KIAA1549L: variants seen among roughly 807,000 people sequenced by gnomAD.
KIAA1549L encodes the protein KIAA1549 like.
Under a neutral mutation model 160.7 loss-of-function variants are expected in KIAA1549L, and 88 were observed. The observed-to-expected ratio is 0.55, with a 90% CI of 0.46 to 0.65. The LOEUF is 0.65. KIAA1549L is among the 30% of genes least tolerant of loss of function. The probability of loss-of-function intolerance (pLI) is 0.00; values close to 1 mark genes in which losing one functional copy is unlikely to be tolerated. For synonymous variants in KIAA1549L, 950 were observed against 976.7 expected (o/e 0.97, Z 0.51); for missense variants, 2,258 against 2,437.5 (o/e 0.93, Z 1.55).
rs562574090 is a variant in KIAA1549L at position 33,543,187 on chromosome 11, C to G, written c.1624C>G (p.Leu542Val). 1.2e-6 allele frequency: 2 copies of G among 1,613,946 alleles called. No homozygotes were observed. Among genetic ancestry groups the G allele is most frequent in the Admixed American group, 3.3e-5 (2 of 60,030 alleles). Residue 542 changes from leucine to valine, a missense_variant, in exon 2 of 21, where the codon CTC (leucine) becomes GTC (valine). By Grantham distance (32) the Leu-to-Val change is conservative. This residue lies in a region of KIAA1549L where 540 missense variants were observed against 465.7 expected (regional missense o/e 1.16). Transcript: ENST00000658780. ...DGSPPATRDL[L>V]LSSKVPNLLS... Reference sequence around the variant, plus strand: ...GTCCCCTCCTGCAACTAGAGACTTGCTCCTCTCAAGCAAAGTTCCTAATCT... The same window carrying G: ...GTCCCCTCCTGCAACTAGAGACTTGGTCCTCTCAAGCAAAGTTCCTAATCT...
At chr11:33,598,208 G>GTA (rs1850257328) in intron 12 of KIAA1549L, among the ~76,000 whole-genome samples, 3 of 143,868 alleles carry the variant, frequency 2.1e-5, no homozygotes, top group African/African-American at 7.4e-5. Flanking sequence ...GTGTGTGTGT[G>GTA]TGTGTGTGTG....
At chr11:33,562,747 C>T (rs1177482584) in intron 8 of KIAA1549L, among the ~76,000 whole-genome samples, 1 of 148,698 alleles carries the variant, frequency 6.7e-6, no homozygotes, top group Non-Finnish European at 1.5e-5. Flanking sequence ...GACGCGGTCT[C>T]GGCTCACTGC....
chr11:33,428,238 C>T (rs1387785327), intron 1 of KIAA1549L, among the ~76,000 whole-genome samples: 2 of 152,290 alleles, frequency 1.3e-5, no homozygotes, highest in African/African-American at 2.4e-5. Context: ...ACATTACCAC[C>T]GGTAATGTAC....
chr11:33,618,527 C>T lies in KIAA1549L; in HGVS notation c.5280-6C>T. ...TGCATCATAACAGTTGTTGAATTTT[C>T]TTCAGGCAACAGATGAAGAACTCTG... On this transcript the variant is annotated splice_region_variant and splice_polypyrimidine_tract_variant and intron_variant, in intron 15 of 20. Coordinates refer to ENST00000658780, the MANE Select transcript of KIAA1549L (RefSeq NM_012194.3). 1.3e-6 allele frequency: 2 copies of T among 1,599,152 alleles called. No homozygotes were observed. The highest frequency in any genetic ancestry group is 2.2e-5 in the South Asian group (2 of 89,806).
At chr11:33,551,307 G>C in intron 5 of KIAA1549L, 48 bp downstream of exon 5, 1 of 1,520,762 alleles carries the variant, frequency 6.6e-7, no homozygotes, top group African/African-American at 1.4e-5. Flanking sequence ...TGGGTTCAGG[G>C]CCAGTACCAA....
chr11:33,523,808 C>A (rs955199470), intron 1 of KIAA1549L, among the ~76,000 whole-genome samples: 1 of 152,254 alleles, frequency 6.6e-6, no homozygotes, highest in South Asian at 2.1e-4. Context: ...ATTAAATGTA[C>A]ACACATAATT....
intron 1 of KIAA1549L, among the ~76,000 whole-genome samples, chr11:33,445,486 G>T: frequency 6.6e-6 from 1 of 152,260 alleles, no homozygotes; most frequent in East Asian, 1.9e-4. Flanking sequence ...GTGTGAAAGG[G>T]ATGTCTGGTC....
intron 1 of KIAA1549L, among the ~76,000 whole-genome samples, chr11:33,433,996 A>G (rs1478436456): frequency 6.6e-6 from 1 of 151,874 alleles, no homozygotes; most frequent in Non-Finnish European, 1.5e-5. Flanking sequence ...GGAGCAAACC[A>G]CCATGGCACA....
At chr11:33,656,615 G>T (rs11032331) in intron 18 of KIAA1549L, among the ~76,000 whole-genome samples, 57,817 of 151,916 alleles carry the variant, frequency 0.38, 11,292 homozygotes, top group East Asian at 0.5. Context: ...ATCTAACGAG[G>T]GCATGTTTTT....
intron 1 of KIAA1549L, among the ~76,000 whole-genome samples, chr11:33,388,619 C>T (rs187105517): frequency 2.7e-3 from 406 of 152,218 alleles, no homozygotes; most frequent in African/African-American, 9.4e-3. Context: ...CCCGTTAACA[C>T]TATATCATGA....
rs770774525 is a variant in KIAA1549L at position 33,543,842 on chromosome 11, A to G, written c.2279A>G (p.Lys760Arg). Reference sequence around the variant, plus strand: ...GATGCCATAAAATCTCAGGATTTCAAAGATACTGCTGGGCATTCAGTGACT... The same window carrying G: ...GATGCCATAAAATCTCAGGATTTCAGAGATACTGCTGGGCATTCAGTGACT... Reference protein sequence around the residue: ...AADAIKSQDFKDTAGHSVTAE... With the variant: ...AADAIKSQDFRDTAGHSVTAE... Residue 760 changes from lysine to arginine, a missense_variant, in exon 2 of 21, where the codon AAA becomes AGA. Around this residue, in one of 6 missense-constraint regions of KIAA1549L, gnomAD observed 287 missense variants for 292.3 expected, o/e 0.98. Transcript: ENST00000658780. The G allele has an allele frequency of 9.3e-6, 15 of 1,613,936 alleles. No homozygotes were observed. The highest frequency in any genetic ancestry group is 1.3e-5 in the Non-Finnish European group (15 of 1,179,902).
chr11:33,396,610 C>T (rs1850378407), intron 1 of KIAA1549L, among the ~76,000 whole-genome samples: 1 of 151,634 alleles, frequency 6.6e-6, no homozygotes, highest in African/African-American at 2.4e-5. Context: ...GCTGAACTTA[C>T]TCTTCTCCCT....
chr11:33,488,753 C>G (rs981791317), intron 1 of KIAA1549L, among the ~76,000 whole-genome samples: 1 of 152,188 alleles, frequency 6.6e-6, no homozygotes, highest in African/African-American at 2.4e-5. Flanking sequence ...GCTTTTACTT[C>G]TAGAATGCAT....
At chr11:33,522,636 C>G (rs1030366666) in intron 1 of KIAA1549L, among the ~76,000 whole-genome samples, 3 of 152,170 alleles carry the variant, frequency 2.0e-5, no homozygotes, top group African/African-American at 7.2e-5. Flanking sequence ...TAATTTATGC[C>G]TGTAATCCCA....
rs563129314 is a variant in KIAA1549L at position 33,661,684 on chromosome 11, A to C, written c.6159+670A>C. Among the ~76,000 whole-genome samples, 32 of 152,250 alleles carry C rather than the reference A, an allele frequency of 2.1e-4. No homozygotes were observed. The East Asian group carries it at 6.0e-3, about 29-fold the overall frequency. ...CACCTGACATCAGGAGTGAGAGACC[A>C]GCCTGGCAAACATGGTGAAACCCCT... On this transcript the variant is annotated intron_variant, in intron 20 of 20. Transcript: ENST00000658780.
intron 1 of KIAA1549L, among the ~76,000 whole-genome samples, chr11:33,455,618 G>A (rs950986080): frequency 6.6e-6 from 1 of 152,118 alleles, no homozygotes; most frequent in Non-Finnish European, 1.5e-5. Context: ...GAAAAATACT[G>A]TATCTGAATG....
At chr11:33,408,302 G>T (rs980922937) in intron 1 of KIAA1549L, among the ~76,000 whole-genome samples, 3 of 152,074 alleles carry the variant, frequency 2.0e-5, no homozygotes, top group African/African-American at 2.4e-5. Flanking sequence ...TGAGTTGGGA[G>T]TGTTGCTGGG....
intron 1 of KIAA1549L, among the ~76,000 whole-genome samples, chr11:33,540,071 A>G (rs570214811): frequency 4.0e-4 from 61 of 152,326 alleles, no homozygotes; most frequent in African/African-American, 1.4e-3. Context: ...GTTTTCCATC[A>G]GTCTCTCTTG....
intron 1 of KIAA1549L, among the ~76,000 whole-genome samples, chr11:33,419,903 TAC>T (rs1282504201): frequency 9.8e-4 from 44 of 44,854 alleles, no homozygotes; most frequent in African/African-American, 2.3e-3. Context: ...CATACATACA[TAC>T]ATATATATAT....
Sources: gnomAD v4.1 joint callset for allele counts (sites outside exome capture counted in the v4.1 genomes callset) on GRCh38, gnomAD v4.1.1 for gene constraint, gnomAD v4.1.1 regional missense constraint, MANE v1.5 for transcripts, NCBI Gene and HGNC (gene_info 2026-07-23, HGNC 2026-07-21) for gene names.